The following XKR9 variants were observed in gnomAD, a reference collection of about 807,000 sequenced individuals.
XKR9 encodes XK related 9, also known as XK-related protein 9.
Under a neutral mutation model 32.0 loss-of-function variants are expected in XKR9, and 32 were observed. The ratio of observed to expected loss-of-function variants is 1.00; its 90% CI spans 0.76 to 1.34. The LOEUF is 1.34. Among genes scored for constraint, XKR9 ranks in the 40% most tolerant of loss-of-function variants. The probability of loss-of-function intolerance (pLI) is 0.00; values close to 1 mark genes in which losing one functional copy is unlikely to be tolerated. For synonymous variants in XKR9, 168 were observed against 143.4 expected, an observed-to-expected ratio of 1.17 and a Z score of -1.22; for missense variants, 546 against 429.7, an observed-to-expected ratio of 1.27 and a Z score of -2.39.
the XKR9 span, among the ~76,000 whole-genome samples, chr8:70,886,821 C>A: frequency 6.6e-6 from 1 of 152,058 alleles, no homozygotes; most frequent in East Asian, 1.9e-4. Flanking sequence ...AAAATTTTCT[C>A]CCATTCTGTA....
chr8:70,834,258 A>G, the XKR9 span, among the ~76,000 whole-genome samples: 462 of 152,256 alleles, frequency 3.0e-3, 2 homozygotes, highest in African/African-American at 0.01. Context: ...AGATTTGAAT[A>G]TTTAATATAA....
At chr8:70,844,651 G>T in the XKR9 span, among the ~76,000 whole-genome samples, 10 of 152,210 alleles carry the variant, frequency 6.6e-5, no homozygotes, top group Admixed American at 6.5e-4. Context: ...ACTACCTGGG[G>T]TCTTGGGGAT....
chr8:70,911,683 T>C, the XKR9 span, among the ~76,000 whole-genome samples: 1 of 152,118 alleles, frequency 6.6e-6, no homozygotes, highest in South Asian at 2.1e-4. Context: ...AGCAAGTGAA[T>C]GGATAATACA....
At chr8:70,921,875 T>C in the XKR9 span, among the ~76,000 whole-genome samples, 2 of 152,272 alleles carry the variant, frequency 1.3e-5, no homozygotes, top group East Asian at 1.9e-4. Context: ...TCTCCAGAAA[T>C]TGGGCACTTT....
chr8:70,843,792 C>CAG, the XKR9 span, among the ~76,000 whole-genome samples: 1 of 152,064 alleles, frequency 6.6e-6, no homozygotes, highest in African/African-American at 2.4e-5. Flanking sequence ...GGCATTGCTC[C>CAG]AGAGAGAGAA....
the XKR9 span, among the ~76,000 whole-genome samples, chr8:70,823,350 A>T: frequency 6.6e-6 from 1 of 152,226 alleles, no homozygotes; most frequent in Non-Finnish European, 1.5e-5. Context: ...CAATTTGCAT[A>T]AAATCACACC....
At chr8:71,027,756 TTCTC>T in the XKR9 span, among the ~76,000 whole-genome samples, 2 of 139,834 alleles carry the variant, frequency 1.4e-5, no homozygotes, top group South Asian at 2.4e-4. Context: ...ATTTGTCTTT[TTCTC>T]TCTCTTTCTT....
At chr8:70,808,854 A>G in the XKR9 span, among the ~76,000 whole-genome samples, 1 of 152,102 alleles carries the variant, frequency 6.6e-6, no homozygotes, top group Non-Finnish European at 1.5e-5. Flanking sequence ...GCCTCTGTAG[A>G]CTCCACCACT....
the XKR9 span, among the ~76,000 whole-genome samples, chr8:70,921,636 C>T: frequency 3.3e-5 from 5 of 152,106 alleles, no homozygotes; most frequent in Non-Finnish European, 7.4e-5. Flanking sequence ...AAAGGAAGAA[C>T]CAAAAATTCC....
chr8:70,860,706 C>A, the XKR9 span, among the ~76,000 whole-genome samples: 1 of 151,132 alleles, frequency 6.6e-6, no homozygotes, highest in African/African-American at 2.4e-5. Flanking sequence ...CCTTCTCCTG[C>A]TTGTTTATAA....
the XKR9 span, among the ~76,000 whole-genome samples, chr8:70,806,434 A>G: frequency 6.6e-6 from 1 of 152,224 alleles, no homozygotes; most frequent in Non-Finnish European, 1.5e-5. Flanking sequence ...AATAGACAGA[A>G]GTAGGCCTGA....
downstream of XKR9, among the ~76,000 whole-genome samples, chr8:70,740,881 G>C (rs1484189700): frequency 2.0e-5 from 3 of 152,186 alleles, no homozygotes; most frequent in African/African-American, 7.2e-5. Context: ...CCCCTCCTGG[G>C]GGTTGCCTCC....
the XKR9 span, among the ~76,000 whole-genome samples, chr8:70,842,595 T>A: frequency 3.4e-5 from 5 of 149,064 alleles, no homozygotes; most frequent in Non-Finnish European, 7.5e-5. Flanking sequence ...AACCATGAGA[T>A]CATGCTAAGT....
chr8:71,012,413 A>C, the XKR9 span, among the ~76,000 whole-genome samples: 3 of 152,174 alleles, frequency 2.0e-5, no homozygotes, highest in African/African-American at 7.2e-5. Flanking sequence ...GGTGAACAGG[A>C]TTCCAGGGAA....
At chr8:70,848,607 G>T in the XKR9 span, among the ~76,000 whole-genome samples, 2 of 151,812 alleles carry the variant, frequency 1.3e-5, no homozygotes, top group Admixed American at 6.6e-5. Flanking sequence ...ATACAAAATT[G>T]TCATGCAAAA....
the XKR9 span, among the ~76,000 whole-genome samples, chr8:70,806,399 A>T: frequency 1.3e-5 from 2 of 152,198 alleles, no homozygotes; most frequent in African/African-American, 4.8e-5. Flanking sequence ...AAAAGTGCAG[A>T]ACTGGACGGA....
At chr8:70,798,511 C>T in the XKR9 span, among the ~76,000 whole-genome samples, 2 of 152,136 alleles carry the variant, frequency 1.3e-5, no homozygotes, top group Non-Finnish European at 2.9e-5. Flanking sequence ...TGTCCGTTTA[C>T]TGTGTTGGCA....
chr8:70,915,262 C>T, the XKR9 span, among the ~76,000 whole-genome samples: 41 of 152,026 alleles, frequency 2.7e-4, no homozygotes, highest in African/African-American at 9.6e-4. Flanking sequence ...ATCTTGTGGC[C>T]TTTGGCCGCA....
intron 2 of XKR9, among the ~76,000 whole-genome samples, chr8:70,785,760 T>C (rs960995930): frequency 2.0e-5 from 3 of 148,370 alleles, no homozygotes; most frequent in African/African-American, 7.4e-5. Flanking sequence ...TATATATGTA[T>C]ATATGTGTAT....
Sources: allele counts gnomAD v4.1 joint callset (sites outside exome capture counted in the v4.1 genomes callset), GRCh38; gene constraint gnomAD v4.1.1; transcripts MANE v1.5; gene names NCBI Gene and HGNC (gene_info 2026-07-23, HGNC 2026-07-21).